XRCC4: variants seen among roughly 807,000 people sequenced by gnomAD.
XRCC4 encodes DNA repair protein XRCC4.
XRCC4 carries 28 observed loss-of-function variants against 39.1 expected under a neutral mutation model. That is an observed-to-expected ratio of 0.72 (90% CI 0.53 to 0.98). XRCC4 has a LOEUF of 0.98. Ranked by LOEUF, XRCC4 falls within the 50% of genes least tolerant of loss-of-function variation. The pLI, the probability that XRCC4 is intolerant of heterozygous loss-of-function variation, is 0.00. For missense variants in XRCC4, 350 were observed against 376.4 expected, an observed-to-expected ratio of 0.93 and a Z score of 0.58; for synonymous variants, 123 against 126.4, an observed-to-expected ratio of 0.97 and a Z score of 0.18.
intron 6 of XRCC4, among the ~76,000 whole-genome samples, chr5:83,234,765 T>A (rs896349010): frequency 3.9e-5 from 6 of 152,062 alleles, no homozygotes; most frequent in Non-Finnish European, 8.8e-5. Context: ...ACTATATTAA[T>A]CTCAAGCTTT....
chr5:83,300,044 T>C (rs1227017441), intron 7 of XRCC4, among the ~76,000 whole-genome samples: 1 of 152,238 alleles, frequency 6.6e-6, no homozygotes, highest in Non-Finnish European at 1.5e-5. Context: ...TCTTTGCTAC[T>C]GCTTTGTACG....
intron 3 of XRCC4, among the ~76,000 whole-genome samples, chr5:83,142,080 A>G (rs28360070): frequency 6.2e-4 from 95 of 152,250 alleles, no homozygotes; most frequent in African/African-American, 2.2e-3. Flanking sequence ...GATTTTCTAT[A>G]TTTCATTATT....
rs28360287 is a variant in XRCC4 at position 83,299,959 on chromosome 5, A to G, written c.893+41282A>G. ...GTGAAGTGATTATTTATTATGTGAT[A>G]GCCATTTCATGGAAAATTACTTGTG... On this transcript the variant is annotated intron_variant, in intron 7 of 7. Coordinates refer to ENST00000396027, the MANE Select transcript of XRCC4 (RefSeq NM_003401.5). Among the ~76,000 whole-genome samples the G allele has an allele frequency of 2.9e-3, 435 of 152,280 alleles. 9 individuals are homozygous for G. In the East Asian group the frequency reaches 0.072, roughly 25 times the overall value.
At chr5:83,275,438 G>A (rs964518268) in intron 7 of XRCC4, among the ~76,000 whole-genome samples, 1 of 150,964 alleles carries the variant, frequency 6.6e-6, no homozygotes, top group Non-Finnish European at 1.5e-5. Context: ...GGGACTACAG[G>A]CGCCCGCCAC....
chr5:83,320,682 C>T (rs1756038083), intron 7 of XRCC4, among the ~76,000 whole-genome samples: 1 of 152,008 alleles, frequency 6.6e-6, no homozygotes, highest in Admixed American at 6.6e-5. Context: ...CCACCCTGAT[C>T]AGTCAGCAGC....
At chr5:83,094,871 A>G (rs145176457) in intron 1 of XRCC4, among the ~76,000 whole-genome samples, 1,742 of 138,090 alleles carry the variant, frequency 0.013, 33 homozygotes, top group African/African-American at 0.044. Context: ...TTTAATAAGG[A>G]TTATTCTGAA....
At position 83,077,553 on chromosome 5, in the gene XRCC4, T is replaced by G; in HGVS notation, c.-73T>G. ...GGAAGTAGCTGATACTCTCATTGGT[T>G]GCAAAACCTTGATCTGTGAAAGCGG... On this transcript the variant is annotated 5_prime_UTR_variant, in exon 1 of 8. Transcript: ENST00000396027. 1.7e-6 allele frequency: 1 copy of G among 580,334 alleles called. No individual in the cohort carries two copies. The highest frequency in any genetic ancestry group is 3.1e-6 in the Non-Finnish European group (1 of 324,184). The allele number at this position is 580,334 out of a possible 1,614,324, so 35.9% of individuals were successfully genotyped here.
At chr5:83,124,154 T>C (rs1747146759) in intron 3 of XRCC4, among the ~76,000 whole-genome samples, 1 of 152,152 alleles carries the variant, frequency 6.6e-6, no homozygotes, top group Non-Finnish European at 1.5e-5. Context: ...TGTTTCGGCA[T>C]ATAGTTATGT....
intron 7 of XRCC4, among the ~76,000 whole-genome samples, chr5:83,305,484 T>TTA (rs1755448220): frequency 6.6e-6 from 1 of 152,188 alleles, no homozygotes; most frequent in Admixed American, 6.5e-5. Context: ...CTAAAATGTG[T>TTA]TATGTTTCCC....
intron 6 of XRCC4, among the ~76,000 whole-genome samples, chr5:83,241,038 C>A (rs927899967): frequency 1.2e-4 from 19 of 152,126 alleles, no homozygotes; most frequent in Non-Finnish European, 1.6e-4. Flanking sequence ...GAGTTTGAGA[C>A]CAGCCTGGCG....
chr5:83,120,015 A>C (rs78068835), intron 3 of XRCC4, among the ~76,000 whole-genome samples: 3 of 147,706 alleles, frequency 2.0e-5, no homozygotes, highest in Admixed American at 1.3e-4. Flanking sequence ...AAAAAAAAAA[A>C]CAATAACAGA....
chr5:83,084,631 A>G (rs1236172874), intron 1 of XRCC4, among the ~76,000 whole-genome samples: 1 of 152,212 alleles, frequency 6.6e-6, no homozygotes, highest in Non-Finnish European at 1.5e-5. Context: ...AAGATGTTGC[A>G]AAGATTTTCT....
intron 3 of XRCC4, among the ~76,000 whole-genome samples, chr5:83,151,393 A>G (rs1460902905): frequency 6.6e-6 from 1 of 152,178 alleles, no homozygotes; most frequent in Non-Finnish European, 1.5e-5. Flanking sequence ...TGCCATATAA[A>G]AAGGAAGAAC....
intron 3 of XRCC4, among the ~76,000 whole-genome samples, chr5:83,137,267 CAG>C (rs949852610): frequency 4.1e-4 from 62 of 151,918 alleles, no homozygotes; most frequent in African/African-American, 1.5e-3. Flanking sequence ...GAATGAAGAA[CAG>C]AAATCTTCAC....
intron 1 of XRCC4, among the ~76,000 whole-genome samples, chr5:83,079,149 A>G (rs1162608628): frequency 6.6e-6 from 1 of 152,238 alleles, no homozygotes; most frequent in African/African-American, 2.4e-5. Flanking sequence ...TTGATTTGCT[A>G]TATCTATATA....
intron 7 of XRCC4, among the ~76,000 whole-genome samples, chr5:83,307,413 C>T (rs2112074746): frequency 6.6e-6 from 1 of 152,278 alleles, no homozygotes; most frequent in South Asian, 2.1e-4. Flanking sequence ...AATATACTTA[C>T]AGTTTAGCTG....
At position 83,191,762 on chromosome 5, in the gene XRCC4, G is replaced by A. The variant is rs551424148; in HGVS notation, c.316-4008G>A. ...GCTCTGTTTTTGCCTGCTGTCATCC[G>A]TGTAAGATGTGACTTGCTCCTCCTT... On this transcript the variant is annotated intron_variant, in intron 3 of 7. Coordinates refer to ENST00000396027, the MANE Select transcript of XRCC4 (RefSeq NM_003401.5). Among the ~76,000 whole-genome samples the A allele has an allele frequency of 1.5e-4, 23 of 152,284 alleles. No homozygotes were observed. The East Asian group carries it at 1.5e-3, about 10-fold the overall frequency.
At chr5:83,094,089 C>T (rs1386966940) in intron 1 of XRCC4, among the ~76,000 whole-genome samples, 22 of 152,026 alleles carry the variant, frequency 1.4e-4, no homozygotes, top group Admixed American at 1.4e-3. Context: ...TTATCGTCAA[C>T]TCCTCTTTGG....
intron 7 of XRCC4, among the ~76,000 whole-genome samples, chr5:83,349,499 T>G (rs1349065206): frequency 6.6e-6 from 1 of 152,300 alleles, no homozygotes; most frequent in East Asian, 1.9e-4. Flanking sequence ...CGGGACAACT[T>G]TTACTGAGTA....
Sources: gnomAD v4.1 joint callset for allele counts (sites outside exome capture counted in the v4.1 genomes callset) on GRCh38, gnomAD v4.1.1 for gene constraint, MANE v1.5 for transcripts, NCBI Gene and HGNC (gene_info 2026-07-23, HGNC 2026-07-21) for gene names.